The following FAM81A variants were observed in gnomAD, a reference collection of about 807,000 sequenced individuals.
FAM81A encodes protein FAM81A.
In FAM81A, 19 loss-of-function variants were observed where a neutral mutation model predicts 46.7. The observed-to-expected ratio is 0.41, with a 90% CI of 0.28 to 0.60. The LOEUF (loss-of-function observed/expected upper bound fraction) is 0.60. FAM81A is among the 20% of genes least tolerant of loss of function. The pLI is 0.34. For synonymous variants in FAM81A, 183 were observed against 152.9 expected, an observed-to-expected ratio of 1.20 and a Z score of -1.45; for missense variants, 377 against 453.5, an observed-to-expected ratio of 0.83 and a Z score of 1.53.
At chr15:59,456,511 C>T (rs1377279430) in intron 1 of FAM81A, among the ~76,000 whole-genome samples, 3 of 152,138 alleles carry the variant, frequency 2.0e-5, no homozygotes, top group East Asian at 1.9e-4. Flanking sequence ...CAGGAAAAAT[C>T]GACCCCTCTC....
chr15:59,506,371 T>A (rs2082148976), intron 4 of FAM81A, among the ~76,000 whole-genome samples: 4 of 152,096 alleles, frequency 2.6e-5, no homozygotes, highest in Admixed American at 1.3e-4. Context: ...TGGGAGTCTG[T>A]GCTCTTGTAA....
At chr15:59,504,451 T>C (rs370937880) in intron 4 of FAM81A, among the ~76,000 whole-genome samples, 48 of 152,342 alleles carry the variant, frequency 3.2e-4, no homozygotes, top group African/African-American at 1.1e-3. Context: ...AATGTCTCCT[T>C]GCATGCAGTT....
chr15:59,410,040 G>A lies in FAM81A; in HGVS notation c.-78+7682G>A, dbSNP rs568524844. ...GTGCAGGCCGGGCATTGTGGCTCAC[G>A]GCTGTAATCCCAAAACTATGGGAGG... On this transcript the variant is annotated intron_variant, in intron 2 of 4. Transcript: ENST00000558348. Among the ~76,000 whole-genome samples, 7 of 152,182 alleles carry A rather than the reference G, an allele frequency of 4.6e-5. No individual in the cohort carries two copies. In the South Asian group the frequency reaches 1.0e-3, roughly 23 times the overall value.
chr15:59,446,463 C>G (rs533311143), intron 1 of FAM81A: 4 of 152,248 alleles, frequency 2.6e-5, no homozygotes, highest in Non-Finnish European at 5.9e-5. Context: ...ATGCAGAAAT[C>G]TCTGCACTGG....
chr15:59,430,456 G>C (rs2141563700), intron 2 of FAM81A, among the ~76,000 whole-genome samples: 1 of 151,964 alleles, frequency 6.6e-6, no homozygotes, highest in South Asian at 2.1e-4. Context: ...AGTAGAGATG[G>C]GGTTTCACCG....
At chr15:59,449,623 A>C (rs1349997015) in intron 1 of FAM81A, among the ~76,000 whole-genome samples, 2 of 151,920 alleles carry the variant, frequency 1.3e-5, no homozygotes, top group African/African-American at 4.8e-5. Context: ...CTACTAAAAA[A>C]CACAAAAAAT....
intron 1 of FAM81A, among the ~76,000 whole-genome samples, chr15:59,456,984 C>A (rs1427507333): frequency 6.6e-6 from 1 of 152,146 alleles, no homozygotes; most frequent in African/African-American, 2.4e-5. Context: ...ATACATGTTT[C>A]TTAAGTTAGG....
intron 6 of FAM81A, among the ~76,000 whole-genome samples, chr15:59,512,318 A>C (rs2082219261): frequency 6.6e-6 from 1 of 151,866 alleles, no homozygotes; most frequent in Admixed American, 6.6e-5. Context: ...ACAAAAATAC[A>C]AAAATTAGCT....
chr15:59,433,499 C>T (rs1300787391), upstream of FAM81A, among the ~76,000 whole-genome samples: 2 of 151,990 alleles, frequency 1.3e-5, no homozygotes, highest in African/African-American at 2.4e-5. Flanking sequence ...AACATTATTG[C>T]GAGATGGATT....
At chr15:59,482,930 A>G (rs1337777538) in intron 3 of FAM81A, among the ~76,000 whole-genome samples, 2 of 152,196 alleles carry the variant, frequency 1.3e-5, no homozygotes, top group African/African-American at 4.8e-5. Context: ...TTTGTCATTC[A>G]CAGGTGATTG....
chr15:59,443,270 C>CA (rs2081320134), intron 1 of FAM81A, among the ~76,000 whole-genome samples: 1 of 152,098 alleles, frequency 6.6e-6, no homozygotes, highest in Non-Finnish European at 1.5e-5. Context: ...TTTGTAGAGA[C>CA]AGTGTTTCAC....
At chr15:59,462,908 A>C (rs76993991) in intron 3 of FAM81A, among the ~76,000 whole-genome samples, 4 of 152,196 alleles carry the variant, frequency 2.6e-5, no homozygotes, top group African/African-American at 7.2e-5. Context: ...TGTAGTTTAG[A>C]TACAAGTCCC....
chr15:59,460,455 A>G lies in FAM81A; in HGVS notation c.294+249A>G, dbSNP rs1380233817. ...TCTAAATTTACCTTGCTGATTATTA[A>G]ATGATTTTATTTTGTTTGGCTCTTA... is the stretch of plus-strand genomic sequence containing the variant. On this transcript the variant is annotated intron_variant, in intron 3 of 8. Transcript: ENST00000288228. The surrounding 1 kb of genome is among the most constrained non-coding windows in gnomAD (Gnocchi z 4.4). The G allele has an allele frequency of 1.7e-6, 1 of 574,968 alleles. No homozygotes were observed. The highest frequency in any genetic ancestry group is 2.7e-5 in the Admixed American group (1 of 36,484). 35.6% of individuals were successfully genotyped at this position (574,968 alleles called of 1,614,324 possible).
At chr15:59,451,350 C>A (rs1349981522) in intron 1 of FAM81A, among the ~76,000 whole-genome samples, 1 of 152,130 alleles carries the variant, frequency 6.6e-6, no homozygotes, top group Non-Finnish European at 1.5e-5. Context: ...ATAGGATTAT[C>A]TTTACGGCTA....
chr15:59,456,533 C>A (rs2081486598), intron 1 of FAM81A, among the ~76,000 whole-genome samples: 2 of 152,124 alleles, frequency 1.3e-5, no homozygotes, highest in Admixed American at 6.6e-5. Context: ...TGTTTTCCCT[C>A]CCCATGTGCT....
chr15:59,476,602 A>G (rs150855926), intron 3 of FAM81A, among the ~76,000 whole-genome samples: 14,514 of 152,150 alleles, frequency 0.095, 869 homozygotes, highest in Admixed American at 0.2. Context: ...CCTGGCCAAC[A>G]TGATGAAACC....
intron 3 of FAM81A, among the ~76,000 whole-genome samples, chr15:59,471,809 A>G (rs187546424): frequency 3.3e-5 from 5 of 152,050 alleles, no homozygotes; most frequent in Admixed American, 3.3e-4. Flanking sequence ...ATCAAATTTC[A>G]CTGTTCTTTG....
intron 2 of FAM81A, among the ~76,000 whole-genome samples, chr15:59,412,630 G>T (rs1406225227): frequency 1.3e-5 from 2 of 152,040 alleles, no homozygotes; most frequent in African/African-American, 4.8e-5. Flanking sequence ...TGGAGGTTGA[G>T]GTGGGAGAAT....
intron 1 of FAM81A, among the ~76,000 whole-genome samples, chr15:59,439,735 T>C (rs1313919116): frequency 6.6e-6 from 1 of 152,178 alleles, no homozygotes; most frequent in Non-Finnish European, 1.5e-5. Flanking sequence ...AGAAATCTGA[T>C]AGCATACGGA....
Sources: gnomAD v4.1 joint callset for allele counts (sites outside exome capture counted in the v4.1 genomes callset) on GRCh38, gnomAD v4.1.1 for gene constraint, Gnocchi (gnomAD v3.1) non-coding constraint, MANE v1.5 for transcripts, NCBI Gene and HGNC (gene_info 2026-07-23, HGNC 2026-07-21) for gene names.